ANXA4: variants seen among roughly 807,000 people sequenced by gnomAD.
The protein encoded by ANXA4 is annexin A4.
Under a neutral mutation model 49.8 loss-of-function variants are expected in ANXA4, and 39 were observed. The ratio of observed to expected loss-of-function variants is 0.78; its 90% CI spans 0.61 to 1.02. The LOEUF (loss-of-function observed/expected upper bound fraction) is 1.02, where lower values mean the gene tolerates loss of function less well. Ranked by LOEUF, ANXA4 falls within the 50% of genes least tolerant of loss-of-function variation. ANXA4 has a pLI of 0.00. For missense variants in ANXA4, 360 were observed against 410.1 expected (o/e 0.88, Z 1.05); for synonymous variants, 134 against 152.5 (o/e 0.88, Z 0.89).
intron 3 of ANXA4, among the ~76,000 whole-genome samples, chr2:69,802,271 T>C (rs932027173): frequency 1.3e-5 from 2 of 152,184 alleles, no homozygotes; most frequent in African/African-American, 4.8e-5. Context: ...AGCAGACATC[T>C]GCACTTGTCT....
upstream of ANXA4, among the ~76,000 whole-genome samples, chr2:69,740,859 T>TG (rs200481757): frequency 2.8e-5 from 4 of 142,894 alleles, no homozygotes; most frequent in Admixed American, 6.9e-5. Flanking sequence ...ATATATGTTT[T>TG]TTTTTTTTTT....
At chr2:69,749,612 T>C in intron 1 of ANXA4, among the ~76,000 whole-genome samples, 1 of 152,108 alleles carries the variant, frequency 6.6e-6, no homozygotes, top group Non-Finnish European at 1.5e-5. Context: ...AAAGTACAGC[T>C]GTGTGTGGTA....
At chr2:69,759,882 G>T (rs1400356217) in intron 1 of ANXA4, among the ~76,000 whole-genome samples, 1 of 152,078 alleles carries the variant, frequency 6.6e-6, no homozygotes, top group Admixed American at 6.6e-5. Context: ...GCCCAGGCTG[G>T]AGTGCAGTGG....
intron 3 of ANXA4, 46 bp downstream of exon 3, chr2:69,788,187 C>A: frequency 6.6e-7 from 1 of 1,512,024 alleles, no homozygotes; most frequent in Non-Finnish European, 9.2e-7. Context: ...CATTGCACAT[C>A]ACAGGGTCAC....
chr2:69,701,075 A>G (rs536953466), intron 2 of ANXA4, among the ~76,000 whole-genome samples: 14 of 152,126 alleles, frequency 9.2e-5, no homozygotes, highest in Admixed American at 6.5e-4. Flanking sequence ...GGGTTTCACC[A>G]TGTTGGCCAG....
chr2:69,666,666 TA>T lies in ANXA4; in HGVS notation n.766+13386del, dbSNP rs1190710221. On this transcript the variant is annotated intron_variant and non_coding_transcript_variant, in intron 2 of 3. Transcript: ENST00000418066. ...ATATTATTCTACAATGAAAAAGAAT[TA>T]AGTACTGATACATACTACAACATGG... is the stretch of plus-strand genomic sequence containing the variant. 3.3e-5 allele frequency among the ~76,000 whole-genome samples: 5 copies of T among 152,330 alleles called. No individual in the cohort carries two copies. The Middle Eastern group carries it at 0.014, about 415-fold the overall frequency.
chr2:69,648,565 C>T (rs750428719), intron 1 of ANXA4, among the ~76,000 whole-genome samples: 31 of 152,132 alleles, frequency 2.0e-4, no homozygotes, highest in Admixed American at 7.8e-4. Context: ...GGCTCATGCC[C>T]GTAATCCCAA....
At chr2:69,788,181 G>A (rs1166516346) in intron 3 of ANXA4, 40 bp downstream of exon 3, 1 of 1,557,238 alleles carries the variant, frequency 6.4e-7, no homozygotes, top group Non-Finnish European at 8.9e-7. Flanking sequence ...TGCGTGCATT[G>A]CACATCACAG....
chr2:69,734,067 G>T (rs73935685), intron 3 of ANXA4, among the ~76,000 whole-genome samples: 7,374 of 152,096 alleles, frequency 0.048, 520 homozygotes, highest in African/African-American at 0.16. Flanking sequence ...AGGCTGCAGG[G>T]TTGGGTACCT....
At chr2:69,733,812 C>G (rs62133977) in intron 3 of ANXA4, among the ~76,000 whole-genome samples, 1 of 151,872 alleles carries the variant, frequency 6.6e-6, no homozygotes, top group African/African-American at 2.4e-5. Flanking sequence ...TTAAAAAATA[C>G]TTTCTTCTTT....
Position 69,806,362 on chromosome 2 carries a change from G to A in ANXA4, c.193-23G>A, listed in dbSNP as rs371807656. The A allele has an allele frequency of 3.0e-5, 47 of 1,553,396 alleles. No homozygotes were observed. The African/African-American group carries it at 4.1e-4, about 13-fold the overall frequency. ...GTCTAATTTGCTATAGCAGTTAAGC[G>A]GAGCTACTTTCTTGCATTGCAGGAC... On this transcript the variant is annotated intron_variant, in intron 4 of 12. Transcript: ENST00000394295.
chr2:69,748,710 C>CTTTTT (rs567935153), intron 1 of ANXA4, among the ~76,000 whole-genome samples: 1 of 132,604 alleles, frequency 7.5e-6, no homozygotes. Flanking sequence ...TACCCTACTT[C>CTTTTT]TTTTTTTTTT....
intron 2 of ANXA4, among the ~76,000 whole-genome samples, chr2:69,694,769 G>A (rs2105378593): frequency 6.6e-6 from 1 of 152,086 alleles, no homozygotes. Flanking sequence ...TTTGTTGTAA[G>A]ATAAATTTAT....
At chr2:69,700,271 G>T (rs1678289899) in intron 2 of ANXA4, 1 of 152,056 alleles carries the variant, frequency 6.6e-6, no homozygotes, top group African/African-American at 2.4e-5. Context: ...AGTCCCAGCT[G>T]CCCAGGAGGC....
intron 2 of ANXA4, among the ~76,000 whole-genome samples, chr2:69,690,119 G>T (rs1677911532): frequency 1.3e-5 from 2 of 152,100 alleles, no homozygotes; most frequent in Admixed American, 6.6e-5. Flanking sequence ...GTATTATTTG[G>T]ATGTTAAACA....
intron 3 of ANXA4, among the ~76,000 whole-genome samples, chr2:69,798,082 C>G (rs1020025820): frequency 6.6e-6 from 1 of 152,176 alleles, no homozygotes; most frequent in African/African-American, 2.4e-5. Context: ...TCCGACTGGA[C>G]AGTGCTGGTT....
chr2:69,721,284 T>C (rs1443278081), intron 3 of ANXA4, among the ~76,000 whole-genome samples: 1 of 152,376 alleles, frequency 6.6e-6, no homozygotes, highest in African/African-American at 2.4e-5. Context: ...GATTGGAGTT[T>C]AGATCTCAAA....
intron 3 of ANXA4, among the ~76,000 whole-genome samples, chr2:69,799,168 T>G (rs1357510799): frequency 6.6e-6 from 1 of 151,384 alleles, no homozygotes; most frequent in African/African-American, 2.4e-5. Flanking sequence ...CCTGACCACA[T>G]AGGCTGACTC....
intron 2 of ANXA4, among the ~76,000 whole-genome samples, chr2:69,781,903 G>T (rs6546546): frequency 0.26 from 38,946 of 151,836 alleles, 5,094 homozygotes; most frequent in East Asian, 0.34. Flanking sequence ...AATTCTTTAG[G>T]TTCTACCACC....
Sources: gnomAD v4.1 joint callset for allele counts (sites outside exome capture counted in the v4.1 genomes callset) on GRCh38, gnomAD v4.1.1 for gene constraint, MANE v1.5 for transcripts, NCBI Gene and HGNC (gene_info 2026-07-23, HGNC 2026-07-21) for gene names.